MDGA2: variants seen among roughly 807,000 people sequenced by gnomAD.
MDGA2 encodes the protein MAM domain-containing glycosylphosphatidylinositol anchor protein 2.
MDGA2 carries 40 observed loss-of-function variants against 117.8 expected under a neutral mutation model. That is an observed-to-expected ratio of 0.34 (90% CI 0.26 to 0.44). MDGA2 has a LOEUF of 0.44. MDGA2 is among the 20% of genes least tolerant of loss of function. The probability of loss-of-function intolerance (pLI) is 1.00; values close to 1 mark genes in which losing one functional copy is unlikely to be tolerated. For missense variants in MDGA2, 1,123 were observed against 1,250.6 expected, an observed-to-expected ratio of 0.90 and a Z score of 1.54; for synonymous variants, 452 against 439.0, an observed-to-expected ratio of 1.03 and a Z score of -0.37.
chr14:47,100,203 C>G (rs1880222743), intron 5 of MDGA2, among the ~76,000 whole-genome samples: 2 of 151,908 alleles, frequency 1.3e-5, no homozygotes, highest in African/African-American at 4.8e-5. Context: ...CAAGATTCAA[C>G]ATTTTCCCAG....
chr14:47,587,803 T>A (rs190039479), intron 1 of MDGA2, among the ~76,000 whole-genome samples: 1 of 151,956 alleles, frequency 6.6e-6, no homozygotes, highest in African/African-American at 2.4e-5. Context: ...TCTGCATCCA[T>A]TGCCACAATC....
chr14:47,425,509 A>T (rs970620777), intron 1 of MDGA2, among the ~76,000 whole-genome samples: 3 of 152,164 alleles, frequency 2.0e-5, no homozygotes, highest in African/African-American at 7.2e-5. Context: ...AGGAAATATT[A>T]AGCACGCACA....
chr14:46,911,207 T>C (rs1883688320), intron 10 of MDGA2, among the ~76,000 whole-genome samples: 1 of 152,222 alleles, frequency 6.6e-6, no homozygotes, highest in Non-Finnish European at 1.5e-5. Context: ...CCTTCAAATT[T>C]CTACTCAAAT....
chr14:47,173,911 C>A (rs925486240), intron 3 of MDGA2, among the ~76,000 whole-genome samples: 1 of 151,762 alleles, frequency 6.6e-6, no homozygotes, highest in Non-Finnish European at 1.5e-5. Context: ...CCAGCTCATG[C>A]GCAGAGACAC....
chr14:47,029,825 GT>G (rs1051004654), intron 8 of MDGA2, among the ~76,000 whole-genome samples: 1 of 151,716 alleles, frequency 6.6e-6, no homozygotes, highest in African/African-American at 2.4e-5. Context: ...ATCCTGTTTT[GT>G]TTTTGTTTTT....
At chr14:47,201,224 A>T in intron 3 of MDGA2, 1 of 509,956 alleles carries the variant, frequency 2.0e-6, no homozygotes, top group Admixed American at 2.8e-5. Flanking sequence ...TCTCTCTTAC[A>T]TGATTCCTGC....
intron 5 of MDGA2, among the ~76,000 whole-genome samples, chr14:47,106,831 A>T (rs551236143): frequency 7.0e-6 from 1 of 142,196 alleles, no homozygotes; most frequent in Admixed American, 7.0e-5. Context: ...TGTTGTGGGT[A>T]TTGACGGCCA....
chr14:47,659,070 C>G (rs111285825), intron 1 of MDGA2, among the ~76,000 whole-genome samples: 1 of 152,168 alleles, frequency 6.6e-6, no homozygotes, highest in Non-Finnish European at 1.5e-5. Context: ...GACATGAACA[C>G]ACTGCATTCT....
At chr14:47,094,672 A>G (rs1879859674) in intron 6 of MDGA2, among the ~76,000 whole-genome samples, 1 of 152,058 alleles carries the variant, frequency 6.6e-6, no homozygotes, top group Admixed American at 6.6e-5. Flanking sequence ...CTTTAATATT[A>G]CACTTTAATC....
At chr14:47,092,879 G>A (rs1334220356) in intron 6 of MDGA2, among the ~76,000 whole-genome samples, 1 of 152,094 alleles carries the variant, frequency 6.6e-6, no homozygotes, top group Non-Finnish European at 1.5e-5. Context: ...TTCAGGAAAT[G>A]TGGCATATTC....
chr14:47,162,126 T>A (rs1883666772), intron 3 of MDGA2, among the ~76,000 whole-genome samples: 1 of 151,818 alleles, frequency 6.6e-6, no homozygotes, highest in Admixed American at 6.6e-5. Flanking sequence ...TTTGTATTTT[T>A]AGTAGAAGCA....
At chr14:47,442,934 C>T (rs186129408) in intron 1 of MDGA2, among the ~76,000 whole-genome samples, 3 of 152,160 alleles carry the variant, frequency 2.0e-5, no homozygotes, top group African/African-American at 7.2e-5. Context: ...CTATGCTACC[C>T]ACCCTTTAGT....
At chr14:46,860,519 T>C (rs1040468380) in intron 14 of MDGA2, among the ~76,000 whole-genome samples, 2 of 152,008 alleles carry the variant, frequency 1.3e-5, no homozygotes, top group African/African-American at 4.8e-5. Flanking sequence ...TCCAGTTTTC[T>C]TTTTTGATTT....
chr14:47,464,682 T>C (rs1037738441), intron 1 of MDGA2, among the ~76,000 whole-genome samples: 4 of 151,974 alleles, frequency 2.6e-5, no homozygotes, highest in Non-Finnish European at 5.9e-5. Flanking sequence ...AAATCAGAGA[T>C]GACACAAATT....
At chr14:47,391,044 T>C (rs1891882445) in intron 1 of MDGA2, among the ~76,000 whole-genome samples, 1 of 152,186 alleles carries the variant, frequency 6.6e-6, no homozygotes, top group Non-Finnish European at 1.5e-5. Flanking sequence ...ACATAGCATG[T>C]TACTTTTGAT....
intron 8 of MDGA2, among the ~76,000 whole-genome samples, chr14:47,022,298 C>T (rs1486949663): frequency 1.3e-5 from 2 of 152,014 alleles, no homozygotes; most frequent in East Asian, 1.9e-4. Flanking sequence ...GGGCTTGTCT[C>T]GAACTTCTGG....
intron 1 of MDGA2, among the ~76,000 whole-genome samples, chr14:47,572,252 T>C (rs1276047335): frequency 6.6e-6 from 1 of 152,180 alleles, no homozygotes; most frequent in East Asian, 1.9e-4. Flanking sequence ...TGAACAACAA[T>C]TTTGACTTCC....
intron 1 of MDGA2, among the ~76,000 whole-genome samples, chr14:47,536,005 T>C (rs1008540147): frequency 6.6e-6 from 1 of 152,232 alleles, no homozygotes; most frequent in Non-Finnish European, 1.5e-5. Context: ...CTCATGGCAA[T>C]GGCAGAACCC....
chr14:47,432,352 T>C (rs1892816017), intron 1 of MDGA2, among the ~76,000 whole-genome samples: 1 of 152,118 alleles, frequency 6.6e-6, no homozygotes, highest in Admixed American at 6.6e-5. Context: ...GCAGTTGAAA[T>C]GTGTCATATT....
Sources: allele counts gnomAD v4.1 joint callset (sites outside exome capture counted in the v4.1 genomes callset), GRCh38; gene constraint gnomAD v4.1.1; transcripts MANE v1.5; gene names NCBI Gene and HGNC (gene_info 2026-07-23, HGNC 2026-07-21).